FTO: variants seen among roughly 807,000 people sequenced by gnomAD.
FTO encodes the protein FTO alpha-ketoglutarate dependent dioxygenase.
Under a neutral mutation model 63.9 loss-of-function variants are expected in FTO, and 47 were observed. The ratio of observed to expected loss-of-function variants is 0.74; its 90% confidence interval spans 0.58 to 0.94. The LOEUF is 0.94. Among genes scored for constraint, FTO ranks in the 40% least tolerant of loss-of-function variants. FTO has a pLI of 0.00. For synonymous variants in FTO, 207 were observed against 224.4 expected (o/e 0.92, Z 0.69); for missense variants, 562 against 618.1 (o/e 0.91, Z 0.96).
chr16:54,121,594 T>C lies in FTO; in HGVS notation c.*9679T>C, dbSNP rs2087006341. On this transcript the variant is annotated 3_prime_UTR_variant, in exon 9 of 9. Transcript: ENST00000471389. ...GGGAAGCAGGCCGAGCCTGATCTTT[T>C]CTCCGCTAGAACTGCTCAACAGGTG... is the stretch of plus-strand genomic sequence containing the variant. 6.6e-6 allele frequency: 1 copy of C among 152,200 alleles called. No homozygotes were observed. The highest frequency in any genetic ancestry group is 2.1e-4 in the South Asian group (1 of 4,834). The allele number at this position is 152,200 out of a possible 1,614,324, so 9.4% of individuals were successfully genotyped here.
rs147851834 is a variant in FTO at position 53,770,912 on chromosome 16, G to A, written c.46-39228G>A. Reference sequence around the variant, plus strand: ...ACTTCTGAATGGGTGTTTGCGAGACGTTGTTTGAAAAACCACTTATCGTGA... The same window carrying A: ...ACTTCTGAATGGGTGTTTGCGAGACATTGTTTGAAAAACCACTTATCGTGA... On this transcript the variant is annotated intron_variant, in intron 1 of 8. Coordinates refer to ENST00000471389, the MANE Select transcript of FTO (RefSeq NM_001080432.3). 7.2e-3 allele frequency among the ~76,000 whole-genome samples: 1,091 copies of A among 152,064 alleles called. 16 individuals carry two copies. Among genetic ancestry groups the A allele is most frequent in the African/African-American group, 0.025 (1,042 of 41,492 alleles).
At chr16:53,950,148 A>G (rs1364391674) in intron 8 of FTO, among the ~76,000 whole-genome samples, 3 of 123,756 alleles carry the variant, frequency 2.4e-5, no homozygotes, top group African/African-American at 7.4e-5. Context: ...AAAGATATTC[A>G]CATTTGTAAA....
chr16:53,732,070 A>G (rs2076285195), intron 1 of FTO, among the ~76,000 whole-genome samples: 2 of 110,302 alleles, frequency 1.8e-5, no homozygotes, highest in Non-Finnish European at 1.7e-5. Flanking sequence ...TTTTTTTGAG[A>G]CGGAGTCTCG....
chr16:53,796,900 A>G (rs1239990854), intron 1 of FTO, among the ~76,000 whole-genome samples: 2 of 152,220 alleles, frequency 1.3e-5, no homozygotes, highest in Non-Finnish European at 2.9e-5. Flanking sequence ...CATGTTCATT[A>G]TCACTCCTAA....
At chr16:53,810,094 TG>T in intron 1 of FTO, 45 bp from the exon 2 acceptor site, 1 of 1,257,622 alleles carries the variant, frequency 8.0e-7, no homozygotes, top group Non-Finnish European at 1.2e-6. Context: ...TGTCTTACTT[TG>T]GGTTATTGCA....
chr16:54,038,703 C>T (rs2085001747), intron 8 of FTO, among the ~76,000 whole-genome samples: 1 of 152,134 alleles, frequency 6.6e-6, no homozygotes, highest in African/African-American at 2.4e-5. Context: ...GAGCCTGGCA[C>T]CTCTCCCCTC....
chr16:53,842,235 G>C (rs2079498518), intron 3 of FTO, among the ~76,000 whole-genome samples: 1 of 152,130 alleles, frequency 6.6e-6, no homozygotes, highest in Non-Finnish European at 1.5e-5. Context: ...GCAGTTTAAA[G>C]TGTGATGGAA....
At chr16:53,780,905 C>G (rs959187685) in intron 1 of FTO, among the ~76,000 whole-genome samples, 1 of 152,168 alleles carries the variant, frequency 6.6e-6, no homozygotes, top group Non-Finnish European at 1.5e-5. Flanking sequence ...TGGTTTCTGA[C>G]ACATTGTACA....
In FTO at chr16:53,950,155, TAAAAAAAAAAA is replaced by T. The variant is rs57925273; in HGVS notation, c.1364+16060_1364+16070del. 9.9e-5 allele frequency among the ~76,000 whole-genome samples: 5 copies of T among 50,604 alleles called. 1 individual carries two copies. The highest frequency in any genetic ancestry group is 2.9e-4 in the Admixed American group (1 of 3,446). The allele number at this position is 50,604 out of a possible 152,430, so 33.2% of individuals were successfully genotyped here. ...GGAAAAAAAAAGATATTCACATTTG[TAAAAAAAAAAA>T]AAAAAAAAAAAAACTTAATCCATGC... On this transcript the variant is annotated intron_variant, in intron 8 of 8. Transcript: ENST00000471389.
At chr16:53,839,775 TTTTA>T (rs1205942882) in intron 3 of FTO, among the ~76,000 whole-genome samples, 2,223 of 36,832 alleles carry the variant, frequency 0.06, 33 homozygotes, top group Non-Finnish European at 0.07. Context: ...TTTTCTTTTT[TTTTA>T]TTTATTTATT....
chr16:54,071,745 A>G (rs566897640), intron 8 of FTO: 1 of 152,336 alleles, frequency 6.6e-6, no homozygotes, highest in East Asian at 1.9e-4. Context: ...TCTTTAAACC[A>G]GTACCTAGTG....
intron 1 of FTO, among the ~76,000 whole-genome samples, chr16:53,782,656 G>A (rs2077617780): frequency 6.6e-6 from 1 of 152,172 alleles, no homozygotes; most frequent in African/African-American, 2.4e-5. Context: ...CATTCAACTG[G>A]TATAGTGGCA....
At chr16:53,801,240 G>GT (rs894997904) in intron 1 of FTO, among the ~76,000 whole-genome samples, 20 of 144,158 alleles carry the variant, frequency 1.4e-4, no homozygotes, top group East Asian at 4.0e-4. Context: ...TAATTTTTTG[G>GT]TTTTTTTTTT....
At position 54,084,968 on chromosome 16, in the gene FTO, A is replaced by G. The variant is rs1048525115; in HGVS notation, c.1365-26794A>G. The stretch of plus-strand genomic sequence containing the variant: ...ATCCCAGGCCTTGGGAAGAAAAGTC[A>G]TGTGCCTCTTGGGCCCTTGGCAGAA... On this transcript the variant is annotated intron_variant, in intron 8 of 8. Transcript: ENST00000471389. Among the ~76,000 whole-genome samples the G allele has an allele frequency of 1.8e-4, 27 of 152,230 alleles. 1 individual carries two copies. The highest frequency in any genetic ancestry group is 4.6e-4 in the African/African-American group (19 of 41,462).
chr16:54,067,056 C>G lies in FTO; in HGVS notation c.1365-44706C>G, dbSNP rs144871982. ...TTTGTAAATGAAAGTTCCTTTAGTA[C>G]ATTTAAAAGCATTATTTATTTTTAA... is the stretch of plus-strand genomic sequence containing the variant. On this transcript the variant is annotated intron_variant, in intron 8 of 8. Coordinates refer to ENST00000471389, the MANE Select transcript of FTO (RefSeq NM_001080432.3). Among the ~76,000 whole-genome samples, 355 of 152,218 alleles carry G rather than the reference C, an allele frequency of 2.3e-3. 4 individuals are homozygous for G. Among genetic ancestry groups the G allele is most frequent in the African/African-American group, 7.8e-3 (323 of 41,552 alleles).
At chr16:53,743,575 T>C (rs1054925480) in intron 1 of FTO, among the ~76,000 whole-genome samples, 2 of 148,440 alleles carry the variant, frequency 1.3e-5, no homozygotes, top group Non-Finnish European at 3.0e-5. Flanking sequence ...TGTCCTCATC[T>C]AGTATGTTAG....
chr16:53,739,494 G>T (rs538495761), intron 1 of FTO, among the ~76,000 whole-genome samples: 1 of 151,908 alleles, frequency 6.6e-6, no homozygotes, highest in African/African-American at 2.4e-5. Context: ...GATTACAGGT[G>T]TGAGCCACTG....
chr16:53,915,566 T>A (rs1251202021), intron 7 of FTO, among the ~76,000 whole-genome samples: 3 of 152,192 alleles, frequency 2.0e-5, no homozygotes, highest in Non-Finnish European at 4.4e-5. Flanking sequence ...AAGGGGCCAG[T>A]TCAGCAAACA....
intron 1 of FTO, among the ~76,000 whole-genome samples, chr16:53,725,690 C>T (rs1304096806): frequency 2.6e-5 from 4 of 152,082 alleles, no homozygotes; most frequent in Non-Finnish European, 4.4e-5. Context: ...TGGCTTTGTT[C>T]CTTGTAGATG....
Sources: gnomAD v4.1 joint callset for allele counts (sites outside exome capture counted in the v4.1 genomes callset) on GRCh38, gnomAD v4.1.1 for gene constraint, MANE v1.5 for transcripts, NCBI Gene and HGNC (gene_info 2026-07-23, HGNC 2026-07-21) for gene names.